Variants in SLC1A3 observed in about 807,000 individuals in gnomAD.
The protein encoded by SLC1A3 is solute carrier family 1 member 3, also known as excitatory amino acid transporter 1.
Under a neutral mutation model 48.1 loss-of-function variants are expected in SLC1A3, and 21 were observed. The ratio of observed to expected loss-of-function variants is 0.44; its 90% confidence interval spans 0.31 to 0.63. The LOEUF is 0.63. Ranked by LOEUF, SLC1A3 falls within the 20% of genes least tolerant of loss-of-function variation. SLC1A3 has a pLI of 0.08. For missense variants in SLC1A3, 546 were observed against 689.0 expected, an observed-to-expected ratio of 0.79 and a Z score of 2.32; for synonymous variants, 239 against 251.4, an observed-to-expected ratio of 0.95 and a Z score of 0.47.
rs552787574 is a variant in SLC1A3, at chr5:36,608,695, T to C, written c.181+91T>C. ...GGAATATTATCAGATGAACTAGTTG[T>C]AGGTATCAAAATGGTAGCCTAGGCT... On this transcript the variant is annotated intron_variant, in intron 2 of 9. Coordinates refer to ENST00000265113, the MANE Select transcript of SLC1A3 (RefSeq NM_004172.5). The C allele has an allele frequency of 7.7e-6, 12 of 1,564,916 alleles. No individual in the cohort carries two copies. In the African/African-American group the frequency reaches 1.6e-4, roughly 21 times the overall value.
At chr5:36,661,398 C>G (rs192782278) in intron 3 of SLC1A3, among the ~76,000 whole-genome samples, 17 of 152,238 alleles carry the variant, frequency 1.1e-4, no homozygotes, top group African/African-American at 4.1e-4. Flanking sequence ...GGCAACAGAG[C>G]GAGACTCCGT....
chr5:36,608,024 C>T (rs771969267), intron 1 of SLC1A3, among the ~76,000 whole-genome samples: 1 of 151,554 alleles, frequency 6.6e-6, no homozygotes, highest in African/African-American at 2.4e-5. Context: ...CTGGGTTCTG[C>T]GGGGGAGGGT....
chr5:36,616,377 A>C lies in SLC1A3; in HGVS notation c.181+7773A>C, dbSNP rs192243507. On this transcript the variant is annotated intron_variant, in intron 2 of 9. Coordinates refer to ENST00000265113, the MANE Select transcript of SLC1A3 (RefSeq NM_004172.5). ...TTAGATAAAGGAAGATATACCCTGG[A>C]TAAGTTAAGGGAGGGCGCTCCCTTT... 5.0e-4 allele frequency among the ~76,000 whole-genome samples: 76 copies of C among 152,362 alleles called. 1 individual carries two copies. The highest frequency in any genetic ancestry group is 1.6e-4 in the Non-Finnish European group (11 of 68,038).
intron 4 of SLC1A3, among the ~76,000 whole-genome samples, chr5:36,672,354 G>A (rs1243126634): frequency 6.6e-6 from 1 of 152,166 alleles, no homozygotes; most frequent in Non-Finnish European, 1.5e-5. Flanking sequence ...AGACAGAGTG[G>A]AGAGTGAATC....
chr5:36,651,141 T>TGAA (rs1741047303), intron 3 of SLC1A3, among the ~76,000 whole-genome samples: 39 of 114,578 alleles, frequency 3.4e-4, no homozygotes, highest in African/African-American at 1.4e-3. Context: ...AAGTTTTTTT[T>TGAA]AAAAAAAAAA....
In SLC1A3 at chr5:36,615,821, G is replaced by A. The variant is rs1187591865; in HGVS notation, c.181+7217G>A. Among the ~76,000 whole-genome samples the A allele has an allele frequency of 2.6e-5, 4 of 152,242 alleles. 1 individual carries two copies. Among genetic ancestry groups the A allele is most frequent in the African/African-American group, 4.8e-5 (2 of 41,462 alleles). On this transcript the variant is annotated intron_variant, in intron 2 of 9. Transcript: ENST00000265113. ...CAAGTATTTGCTGGCAGCTAGGTGA[G>A]CTGCATCATTGCTGGGAGCTGAGAA...
rs1561284566 is a variant in SLC1A3 at position 36,679,867 on chromosome 5, A to G, written c.1094+7A>G. On this transcript the variant is annotated splice_region_variant and intron_variant, in intron 7 of 9. Transcript: ENST00000265113. ...CTCTGGGGACCTCTTCAAGGTATGT[A>G]TGTATGTGTGGAAAATGAGTCTGAA... 3 of 1,594,690 alleles carry G rather than the reference A, an allele frequency of 1.9e-6. No homozygotes were observed. The highest frequency in any genetic ancestry group is 1.7e-4 in the Middle Eastern group (1 of 5,980).
chr5:36,623,338 T>C lies in SLC1A3; in HGVS notation c.182-6112T>C, dbSNP rs1374346859. ...TATAACATCACCTAGATGCAAACTTTGCAAAATTTGTTTCAGCTCTAACAA... is the reference window on the plus strand; with the variant it reads ...TATAACATCACCTAGATGCAAACTTCGCAAAATTTGTTTCAGCTCTAACAA... On this transcript the variant is annotated intron_variant, in intron 2 of 9. Coordinates refer to ENST00000265113, the MANE Select transcript of SLC1A3 (RefSeq NM_004172.5). Among the ~76,000 whole-genome samples the C allele has an allele frequency of 2.6e-5, 4 of 152,208 alleles. No individual in the cohort carries two copies. The East Asian group carries it at 5.8e-4, about 22-fold the overall frequency.
intron 9 of SLC1A3, 35 bp from the exon 10 acceptor site, chr5:36,686,030 G>A (rs1742629632): frequency 1.3e-6 from 2 of 1,572,372 alleles, no homozygotes; most frequent in Admixed American, 1.7e-5. Flanking sequence ...GCTCACGGGA[G>A]CCTCGTTTTT....
rs180861495 is a variant in SLC1A3 at position 36,620,290 on chromosome 5, A to C, written c.182-9160A>C. Among the ~76,000 whole-genome samples the C allele has an allele frequency of 1.8e-4, 28 of 152,316 alleles. No homozygotes were observed. The East Asian group carries it at 3.5e-3, about 19-fold the overall frequency. The stretch of plus-strand genomic sequence containing the variant: ...CAGAACTGTCTTTCTACAGCATCAC[A>C]CTTGCTCTCCCTTCTACTCAAAAAA... On this transcript the variant is annotated intron_variant, in intron 2 of 9. Transcript: ENST00000265113.
chr5:36,634,922 C>G (rs899381443), intron 3 of SLC1A3, among the ~76,000 whole-genome samples: 5 of 152,152 alleles, frequency 3.3e-5, no homozygotes, highest in Non-Finnish European at 5.9e-5. Flanking sequence ...TAAGAGTGAA[C>G]TAAAGTTTTG....
chr5:36,603,738 C>T (rs1738834623), upstream of SLC1A3, among the ~76,000 whole-genome samples: 1 of 152,174 alleles, frequency 6.6e-6, no homozygotes, highest in Non-Finnish European at 1.5e-5. Context: ...AAGTCAGGTC[C>T]TGTTCATTGT....
At chr5:36,615,588 C>T (rs1739396290) in intron 2 of SLC1A3, among the ~76,000 whole-genome samples, 3 of 152,180 alleles carry the variant, frequency 2.0e-5, no homozygotes, top group Admixed American at 1.3e-4. Flanking sequence ...ACACACTTTG[C>T]AGAAGCCCCT....
chr5:36,656,497 T>G (rs1326381439), intron 3 of SLC1A3, among the ~76,000 whole-genome samples: 4 of 152,376 alleles, frequency 2.6e-5, no homozygotes, highest in Non-Finnish European at 4.4e-5. Flanking sequence ...ACTCGTGTAC[T>G]TAGCCCTTTA....
intron 3 of SLC1A3, chr5:36,666,408 A>C (rs1234145607): frequency 6.6e-6 from 1 of 152,210 alleles, no homozygotes; most frequent in Non-Finnish European, 1.5e-5. Context: ...ATAAAATAAA[A>C]ACTGAAACAG....
intron 2 of SLC1A3, among the ~76,000 whole-genome samples, chr5:36,624,832 C>A (rs865789505): frequency 2.0e-4 from 31 of 152,268 alleles, no homozygotes; most frequent in Admixed American, 1.7e-3. Context: ...TTGAAAGTGG[C>A]TATACCACCT....
At chr5:36,645,864 C>G (rs755504838) in intron 3 of SLC1A3, among the ~76,000 whole-genome samples, 1 of 152,166 alleles carries the variant, frequency 6.6e-6, no homozygotes, top group African/African-American at 2.4e-5. Context: ...GTCTTGAATT[C>G]CCAGCAGAGG....
chr5:36,631,700 G>A (rs1489715812), intron 3 of SLC1A3, among the ~76,000 whole-genome samples: 1 of 152,240 alleles, frequency 6.6e-6, no homozygotes, highest in Non-Finnish European at 1.5e-5. Context: ...TCTTTTTAAG[G>A]TGTTAGTCTG....
At chr5:36,674,173 C>A in intron 5 of SLC1A3, 82 bp downstream of exon 5, 3 of 1,075,670 alleles carry the variant, frequency 2.8e-6, no homozygotes, top group South Asian at 2.5e-5. Flanking sequence ...TTTCCCTGCT[C>A]ATTTCTCTGC....
Sources: gnomAD v4.1 joint callset for allele counts (sites outside exome capture counted in the v4.1 genomes callset) on GRCh38, gnomAD v4.1.1 for gene constraint, MANE v1.5 for transcripts, NCBI Gene and HGNC (gene_info 2026-07-23, HGNC 2026-07-21) for gene names.